The following GPR39 variants were observed in gnomAD, a reference collection of about 807,000 sequenced individuals.
GPR39 encodes zinc sensing receptor.
A neutral mutation model predicts 18.4 loss-of-function variants in GPR39; 23 were observed. That is an observed-to-expected ratio of 1.25 (90% CI 0.90 to 1.77). GPR39 has a LOEUF of 1.77. Among genes scored for constraint, GPR39 ranks in the 40% most tolerant of loss-of-function variants. The pLI is 0.00. For missense variants in GPR39, 647 were observed against 602.4 expected (o/e 1.07, Z -0.78); for synonymous variants, 280 against 257.9 (o/e 1.09, Z -0.82).
intron 1 of GPR39, among the ~76,000 whole-genome samples, chr2:132,603,534 A>T (rs1573692859): frequency 6.6e-6 from 1 of 152,204 alleles, no homozygotes; most frequent in South Asian, 2.1e-4. Context: ...AAAGTTCCCT[A>T]CACAAAGAAA....
Position 132,474,313 on chromosome 2 carries a change from C to T in GPR39, c.856+56415C>T, listed in dbSNP as rs1208789420. The stretch of plus-strand genomic sequence containing the variant: ...TTTTCTTCAGTCTGCTGTCTACTAC[C>T]TCTCATGGCCTCTAGACCAATAACC... On this transcript the variant is annotated intron_variant, in intron 1 of 1. Transcript: ENST00000329321. 2.0e-5 allele frequency among the ~76,000 whole-genome samples: 3 copies of T among 152,210 alleles called. No individual in the cohort carries two copies. The East Asian group carries it at 5.8e-4, about 29-fold the overall frequency.
intron 1 of GPR39, among the ~76,000 whole-genome samples, chr2:132,499,476 G>A (rs1262202891): frequency 6.6e-6 from 1 of 151,842 alleles, no homozygotes; most frequent in African/African-American, 2.4e-5. Context: ...GAAGTTGGGG[G>A]GTGTGATACC....
Position 132,645,775 on chromosome 2 carries a change from C to G in GPR39, c.*169C>G. On this transcript the variant is annotated 3_prime_UTR_variant, in exon 2 of 2. Transcript: ENST00000329321. ...GACTTCTAAGGACTGACTCTGCCAG[C>G]CTGGCCTTGACTCCGGTTACACAGA... The G allele has an allele frequency of 3.1e-6, 3 of 973,326 alleles. No homozygotes were observed. Among genetic ancestry groups the G allele is most frequent in the Non-Finnish European group, 3.0e-6 (2 of 677,214 alleles). 60.3% of individuals were successfully genotyped at this position (973,326 alleles called of 1,614,324 possible). A position where few individuals can be genotyped will look rare whatever the true frequency, so the allele number is the denominator to read the frequency against.
At chr2:132,504,559 C>T (rs1406848776) in intron 1 of GPR39, among the ~76,000 whole-genome samples, 6 of 152,138 alleles carry the variant, frequency 3.9e-5, no homozygotes, top group African/African-American at 7.2e-5. Context: ...CCTTCAATCA[C>T]CTCTTCAGGG....
chr2:132,598,255 C>G (rs2104838283), intron 1 of GPR39, among the ~76,000 whole-genome samples: 1 of 152,224 alleles, frequency 6.6e-6, no homozygotes, highest in East Asian at 1.9e-4. Flanking sequence ...TGGTTTAAAG[C>G]CTCTTACTTA....
chr2:132,468,346 C>T (rs1680969264), intron 1 of GPR39, among the ~76,000 whole-genome samples: 1 of 152,178 alleles, frequency 6.6e-6, no homozygotes, highest in Non-Finnish European at 1.5e-5. Flanking sequence ...ATGAGATTAA[C>T]TGCAATAGGG....
chr2:132,424,564 C>A (rs575859886), intron 1 of GPR39, among the ~76,000 whole-genome samples: 2 of 152,324 alleles, frequency 1.3e-5, no homozygotes, highest in African/African-American at 4.8e-5. Flanking sequence ...TGCCTAACTT[C>A]ATATCTCTCC....
At chr2:132,432,295 C>T (rs892980102) in intron 1 of GPR39, among the ~76,000 whole-genome samples, 29 of 152,130 alleles carry the variant, frequency 1.9e-4, no homozygotes, top group African/African-American at 7.0e-4. Context: ...GTGGAAGGGG[C>T]AAGGCAGCTC....
At chr2:132,472,623 A>G (rs1209451892) in intron 1 of GPR39, among the ~76,000 whole-genome samples, 1 of 152,174 alleles carries the variant, frequency 6.6e-6, no homozygotes, top group South Asian at 2.1e-4. Context: ...AATGAAAAAA[A>G]TGGTGTTGGT....
rs148199961 is a variant in GPR39 at position 132,600,497 on chromosome 2, G to A, written c.857-44604G>A. On this transcript the variant is annotated intron_variant, in intron 1 of 1. Transcript: ENST00000329321. ...CAAAACATTAGCTAGACTAAAAGAA[G>A]GACTCAAACCAGAAATGAAAAAGGA... 5.8e-3 allele frequency among the ~76,000 whole-genome samples: 886 copies of A among 151,886 alleles called. 14 individuals carry two copies. The highest frequency in any genetic ancestry group is 0.02 in the African/African-American group (840 of 41,404).
At chr2:132,559,749 G>A (rs1231251136) in intron 1 of GPR39, among the ~76,000 whole-genome samples, 1 of 152,134 alleles carries the variant, frequency 6.6e-6, no homozygotes, top group Non-Finnish European at 1.5e-5. Flanking sequence ...GTTGGAAAAG[G>A]CAAGAGCATT....
At chr2:132,629,729 T>C (rs953021241) in intron 1 of GPR39, among the ~76,000 whole-genome samples, 9 of 152,210 alleles carry the variant, frequency 5.9e-5, no homozygotes, top group African/African-American at 1.9e-4. Context: ...AGACAAAAGT[T>C]GAATGAAAAT....
intron 1 of GPR39, among the ~76,000 whole-genome samples, chr2:132,631,096 G>A (rs1438859384): frequency 6.6e-6 from 1 of 152,100 alleles, no homozygotes; most frequent in Non-Finnish European, 1.5e-5. Flanking sequence ...CCAGGGAGAG[G>A]GAAAAAGAAG....
At chr2:132,631,837 T>C (rs1381844557) in intron 1 of GPR39, among the ~76,000 whole-genome samples, 1 of 151,722 alleles carries the variant, frequency 6.6e-6, no homozygotes, top group Non-Finnish European at 1.5e-5. Flanking sequence ...TTTTTTTTTT[T>C]TCTGAGACTG....
chr2:132,514,089 T>G (rs1679287049), intron 1 of GPR39, among the ~76,000 whole-genome samples: 3 of 152,024 alleles, frequency 2.0e-5, no homozygotes, highest in Admixed American at 2.0e-4. Context: ...GATACGGGGA[T>G]GGGGGTTGGC....
At chr2:132,482,212 C>G (rs1458823241) in intron 1 of GPR39, among the ~76,000 whole-genome samples, 4 of 152,200 alleles carry the variant, frequency 2.6e-5, no homozygotes, top group African/African-American at 9.7e-5. Context: ...TTCTTTTTCT[C>G]TGTGTCATGG....
chr2:132,444,245 C>G (rs981421493), intron 1 of GPR39, among the ~76,000 whole-genome samples: 6 of 152,156 alleles, frequency 3.9e-5, no homozygotes, highest in African/African-American at 1.4e-4. Context: ...GTTACCTAGT[C>G]TCACTAGCAT....
At chr2:132,529,205 T>C (rs1679565421) in intron 1 of GPR39, among the ~76,000 whole-genome samples, 1 of 152,214 alleles carries the variant, frequency 6.6e-6, no homozygotes, top group African/African-American at 2.4e-5. Context: ...CACCAGATTA[T>C]ATCCCACACC....
At chr2:132,474,557 C>T (rs184057591) in intron 1 of GPR39, among the ~76,000 whole-genome samples, 1 of 152,324 alleles carries the variant, frequency 6.6e-6, no homozygotes, top group Admixed American at 6.5e-5. Context: ...CTTGTGCATG[C>T]ATGCGTGGAG....
Sources: gnomAD v4.1 joint callset for allele counts (sites outside exome capture counted in the v4.1 genomes callset) on GRCh38, gnomAD v4.1.1 for gene constraint, MANE v1.5 for transcripts, NCBI Gene and HGNC (gene_info 2026-07-23, HGNC 2026-07-21) for gene names.